KCNMB4: variants seen among roughly 807,000 people sequenced by gnomAD.
KCNMB4 encodes the protein potassium calcium-activated channel subfamily M regulatory beta subunit 4.
A neutral mutation model predicts 20.7 loss-of-function variants in KCNMB4; 3 were observed. The ratio of observed to expected loss-of-function variants is 0.14; its 90% confidence interval spans 0.07 to 0.37. The LOEUF (loss-of-function observed/expected upper bound fraction) is 0.37. Among genes scored for constraint, KCNMB4 ranks in the 10% least tolerant of loss-of-function variants. KCNMB4 has a pLI of 1.00. For synonymous variants in KCNMB4, 110 were observed against 113.4 expected, an observed-to-expected ratio of 0.97 and a Z score of 0.19; for missense variants, 168 against 265.9, an observed-to-expected ratio of 0.63 and a Z score of 2.56.
At chr12:70,422,725 CTT>C (rs750209510) in intron 2 of KCNMB4, 403 of 1,289,142 alleles carry the variant, frequency 3.1e-4, no homozygotes, top group Non-Finnish European at 3.7e-4. Context: ...GATTACCCCT[CTT>C]TATTTCTGAG....
At chr12:70,371,091 A>C (rs888116336) in intron 1 of KCNMB4, among the ~76,000 whole-genome samples, 1 of 151,868 alleles carries the variant, frequency 6.6e-6, no homozygotes, top group African/African-American at 2.4e-5. Flanking sequence ...TCCTGGCCTC[A>C]AGTGATCCCC....
At chr12:70,381,834 A>G (rs183570076) in intron 1 of KCNMB4, among the ~76,000 whole-genome samples, 71 of 152,284 alleles carry the variant, frequency 4.7e-4, no homozygotes, top group African/African-American at 1.6e-3. Flanking sequence ...TCTACTAAAA[A>G]CCATTAAATT....
At chr12:70,407,444 G>A (rs1868635290) in intron 2 of KCNMB4, among the ~76,000 whole-genome samples, 2 of 146,704 alleles carry the variant, frequency 1.4e-5, no homozygotes, top group Admixed American at 1.4e-4. Flanking sequence ...TGGCTAGAGA[G>A]AGGTGGTGCT....
At chr12:70,383,023 A>G (rs1283014480) in intron 1 of KCNMB4, among the ~76,000 whole-genome samples, 4 of 152,216 alleles carry the variant, frequency 2.6e-5, no homozygotes, top group Non-Finnish European at 5.9e-5. Flanking sequence ...TTGTAGCAGA[A>G]TGGTAAGTTT....
intron 2 of KCNMB4, among the ~76,000 whole-genome samples, chr12:70,426,230 G>A (rs1429661911): frequency 6.6e-6 from 1 of 151,498 alleles, no homozygotes; most frequent in Admixed American, 6.6e-5. Context: ...GGAGGCGGAG[G>A]TTGCAGTGAG....
intron 2 of KCNMB4, among the ~76,000 whole-genome samples, chr12:70,425,295 A>G (rs1869181295): frequency 6.6e-6 from 1 of 151,880 alleles, no homozygotes; most frequent in Non-Finnish European, 1.5e-5. Context: ...AAAATTAGCC[A>G]GGTGTGGTGG....
chr12:70,426,442 A>G (rs528379082), intron 2 of KCNMB4, among the ~76,000 whole-genome samples: 2 of 152,362 alleles, frequency 1.3e-5, no homozygotes, highest in East Asian at 1.9e-4. Context: ...CGAAGTGCAC[A>G]TAAGAATCAT....
chr12:70,427,815 T>C (rs1869252307), intron 2 of KCNMB4, among the ~76,000 whole-genome samples: 1 of 152,164 alleles, frequency 6.6e-6, no homozygotes, highest in Admixed American at 6.5e-5. Flanking sequence ...TCTGGCTCAA[T>C]TGCACAATAT....
intron 2 of KCNMB4, among the ~76,000 whole-genome samples, chr12:70,407,964 G>A (rs1003463656): frequency 6.6e-6 from 1 of 152,158 alleles, no homozygotes; most frequent in Non-Finnish European, 1.5e-5. Context: ...GCCAGGAACC[G>A]GGGCAGAGAC....
chr12:70,379,617 A>T (rs1603221), intron 1 of KCNMB4, among the ~76,000 whole-genome samples: 1 of 151,952 alleles, frequency 6.6e-6, no homozygotes, highest in South Asian at 2.1e-4. Context: ...GGGTTTGGCC[A>T]TGTTTCCCAG....
intron 2 of KCNMB4, chr12:70,422,685 TA>T: frequency 7.8e-7 from 1 of 1,287,996 alleles, no homozygotes; most frequent in Non-Finnish European, 1.0e-6. Flanking sequence ...CAGAAAGTCA[TA>T]AGCATCCTTC....
chr12:70,396,392 G>A lies in KCNMB4; in HGVS notation c.337-3817G>A, dbSNP rs941738130. ...ATAATCTCAGCTCACTGCAGCCTCC[G>A]CCTCCTGGGTTTAAGTGATTCTCTT... On this transcript the variant is annotated intron_variant, in intron 1 of 2. Coordinates refer to ENST00000258111, the MANE Select transcript of KCNMB4 (RefSeq NM_014505.6). Among the ~76,000 whole-genome samples, 9 of 152,118 alleles carry A rather than the reference G, an allele frequency of 5.9e-5. No homozygotes were observed. The South Asian group carries it at 1.4e-3, about 25-fold the overall frequency.
At chr12:70,395,004 A>T (rs1210281271) in intron 1 of KCNMB4, among the ~76,000 whole-genome samples, 3 of 151,974 alleles carry the variant, frequency 2.0e-5, no homozygotes, top group Non-Finnish European at 4.4e-5. Flanking sequence ...TATACTTTTT[A>T]TTTCACAGTG....
intron 2 of KCNMB4, among the ~76,000 whole-genome samples, chr12:70,405,952 G>T (rs1868588504): frequency 6.6e-6 from 1 of 152,186 alleles, no homozygotes; most frequent in Non-Finnish European, 1.5e-5. Flanking sequence ...CCTTTGAAAA[G>T]AAGGAAACTC....
intron 2 of KCNMB4, among the ~76,000 whole-genome samples, chr12:70,401,443 G>A (rs1043379423): frequency 3.9e-5 from 6 of 151,934 alleles, no homozygotes; most frequent in African/African-American, 1.2e-4. Context: ...CAAGTCTTCC[G>A]CCTCCACCGT....
intron 2 of KCNMB4, among the ~76,000 whole-genome samples, chr12:70,406,907 T>A (rs1401004003): frequency 6.6e-6 from 1 of 152,192 alleles, no homozygotes; most frequent in Non-Finnish European, 1.5e-5. Context: ...AAAGTATTTT[T>A]TTGTACTCTC....
chr12:70,370,600 G>A lies in KCNMB4; in HGVS notation c.336+3530G>A, dbSNP rs539796032. On this transcript the variant is annotated intron_variant, in intron 1 of 2. Transcript: ENST00000258111. ...TGGGATTACAGGCATGAGCCACCGC[G>A]CCCGGCCAGTGCTACTGAATTTAGG... is the stretch of plus-strand genomic sequence containing the variant. Among the ~76,000 whole-genome samples the A allele has an allele frequency of 7.2e-5, 11 of 152,088 alleles. No homozygotes were observed. The South Asian group carries it at 8.3e-4, about 11-fold the overall frequency.
intron 2 of KCNMB4, among the ~76,000 whole-genome samples, chr12:70,423,938 T>G (rs1467583667): frequency 2.0e-5 from 3 of 152,180 alleles, no homozygotes; most frequent in Admixed American, 2.0e-4. Context: ...TGACAAAAGG[T>G]AAATTAACCA....
intron 1 of KCNMB4, among the ~76,000 whole-genome samples, chr12:70,370,079 C>G (rs1465564709): frequency 1.3e-5 from 2 of 152,068 alleles, no homozygotes; most frequent in African/African-American, 4.8e-5. Flanking sequence ...GTCCAACTCT[C>G]CAAGATTCTG....
Sources: allele counts gnomAD v4.1 joint callset (sites outside exome capture counted in the v4.1 genomes callset), GRCh38; gene constraint gnomAD v4.1.1; transcripts MANE v1.5; gene names NCBI Gene and HGNC (gene_info 2026-07-23, HGNC 2026-07-21).